Variants in CHD1L observed in about 807,000 individuals in gnomAD.
CHD1L encodes the protein ATP-dependent chromatin remodeler CHD1L.
CHD1L carries 118 observed loss-of-function variants against 115.9 expected under a neutral mutation model. The observed-to-expected ratio is 1.02, with a 90% confidence interval of 0.88 to 1.19. The LOEUF is 1.19. Among genes scored for constraint, CHD1L ranks in the 50% most tolerant of loss-of-function variants. The pLI, the probability that CHD1L is intolerant of heterozygous loss-of-function variation, is 0.00. For synonymous variants in CHD1L, 411 were observed against 387.1 expected, an observed-to-expected ratio of 1.06 and a Z score of -0.72; for missense variants, 1,179 against 1,065.3, an observed-to-expected ratio of 1.11 and a Z score of -1.49.
chr1:147,256,078 C>T (rs1670015617), intron 4 of CHD1L, 151 bp downstream of exon 4: 2 of 511,938 alleles, frequency 3.9e-6, no homozygotes, highest in Non-Finnish European at 3.4e-6. Flanking sequence ...AGGGCTGTAA[C>T]CAAAAGAAGT....
chr1:147,183,022 AC>A, the CHD1L span, among the ~76,000 whole-genome samples: 5 of 151,942 alleles, frequency 3.3e-5, no homozygotes, highest in South Asian at 1.0e-3. Context: ...ACACGATAAA[AC>A]CCCGTCTCTA....
At chr1:147,178,387 T>G in the CHD1L span, 2 of 1,611,204 alleles carry the variant, frequency 1.2e-6, no homozygotes, top group Non-Finnish European at 1.7e-6. Context: ...CACTAACACC[T>G]GTAATAAATA....
At chr1:147,173,705 A>T in the CHD1L span, 12 of 152,326 alleles carry the variant, frequency 7.9e-5, no homozygotes, top group African/African-American at 2.9e-4. Context: ...TGTTACACAG[A>T]CCAGCAGTGT....
chr1:147,272,138 TTAAG>T (rs782385159), intron 11 of CHD1L, 29 bp from the exon 12 acceptor site: 53 of 1,571,242 alleles, frequency 3.4e-5, no homozygotes, highest in Middle Eastern at 3.4e-4. Flanking sequence ...TTGAAAAGGG[TTAAG>T]ATTTCTGTTT....
rs1678347086 is a variant in CHD1L, at chr1:147,276,125, G to A, written c.1407G>A (p.Leu469=). 2 of 1,614,110 alleles carry A rather than the reference G, an allele frequency of 1.2e-6. No individual in the cohort carries two copies. The highest frequency in any genetic ancestry group is 8.5e-7 in the Non-Finnish European group (1 of 1,179,980). ...GQNKSVKVIR[L]IGRDTVEEIV... is the part of the protein sequence containing the mutation. ...CCAGGTCTGTTAAAGTTATTCGGCT[G>A]ATTGGTCGAGACACTGTGGAAGAAA... The change falls in exon 14 of 23, where the codon CTG becomes CTA. Residue 469 remains leucine, a synonymous_variant. Coordinates refer to ENST00000369258, the MANE Select transcript of CHD1L (RefSeq NM_004284.6).
chr1:147,239,832 C>G (rs60063927), upstream of CHD1L, among the ~76,000 whole-genome samples: 2 of 152,214 alleles, frequency 1.3e-5, no homozygotes, highest in African/African-American at 4.8e-5. Flanking sequence ...ATTTAAGTGG[C>G]AAGTGCTTGA....
chr1:147,243,001 C>G, intron 1 of CHD1L, 171 bp downstream of exon 1: 1 of 795,376 alleles, frequency 1.3e-6, no homozygotes, highest in Non-Finnish European at 1.7e-6. Flanking sequence ...GGCTTGGTGG[C>G]CACGGCCCCC....
At chr1:147,193,587 A>C in the CHD1L span, among the ~76,000 whole-genome samples, 1 of 151,902 alleles carries the variant, frequency 6.6e-6, no homozygotes, top group South Asian at 2.1e-4. Flanking sequence ...TAGTTCTTTT[A>C]ATTGTGATGT....
At position 147,268,815 on chromosome 1, in the gene CHD1L, ACC is replaced by A. The variant is rs1553950525; in HGVS notation, c.1023_1024del (p.Leu342AspfsTer2). ...CCGGAGCCTTTTGAAGTTGGAGACC[ACC>A]TGACTGAGGCTAGTGGGAAGCTTCA... On this transcript the variant is annotated frameshift_variant, in exon 10 of 23. Transcript: ENST00000369258. LOFTEE classifies it high-confidence loss of function. 11 of 1,613,618 alleles carry A rather than the reference ACC, an allele frequency of 6.8e-6. No homozygotes were observed. The highest frequency in any genetic ancestry group is 8.5e-6 in the Non-Finnish European group (10 of 1,179,700).
the CHD1L span, chr1:147,179,511 T>C: frequency 2.2e-5 from 35 of 1,578,488 alleles, 1 homozygote; most frequent in Admixed American, 2.8e-4. Flanking sequence ...TCCAAAGAAA[T>C]ATGAAGGTGG....
chr1:147,210,227 T>C, the CHD1L span: 12 of 152,168 alleles, frequency 7.9e-5, no homozygotes, highest in Non-Finnish European at 1.8e-4. Flanking sequence ...GCTTAAGAAA[T>C]GTTTGATTGA....
At chr1:147,288,910 TAAC>T (rs1391341212) in intron 19 of CHD1L, among the ~76,000 whole-genome samples, 73 of 152,190 alleles carry the variant, frequency 4.8e-4, no homozygotes, top group African/African-American at 1.7e-3. Flanking sequence ...CATCCAGAAA[TAAC>T]AAAGTGGCAA....
chr1:147,289,626 C>T (rs146428501), intron 19 of CHD1L, among the ~76,000 whole-genome samples: 5 of 152,220 alleles, frequency 3.3e-5, no homozygotes, highest in Admixed American at 3.3e-4. Context: ...ATTCCAATTC[C>T]CAGGGAAGGC....
intron 10 of CHD1L, 97 bp downstream of exon 10, chr1:147,268,975 C>CT (rs782102437): frequency 0.99 from 704,526 of 712,674 alleles, 348,192 homozygotes; most frequent in African/African-American, 1. Flanking sequence ...TTCCAGTTTT[C>CT]TTTTTTTTCT....
In CHD1L at chr1:147,284,518, T is replaced by G; in HGVS notation, c.1854+19T>G. 6.5e-7 allele frequency: 1 copy of G among 1,546,774 alleles called. No individual in the cohort carries two copies. Among genetic ancestry groups the G allele is most frequent in the Non-Finnish European group, 8.7e-7 (1 of 1,154,124 alleles). On this transcript the variant is annotated intron_variant, in intron 16 of 22. Transcript: ENST00000369258. ...AGGCAGTGTAAGAACTGTTAATTTA[T>G]TTAAAAGTTGTTCTTCCAAACTCTC...
At chr1:147,282,289 G>T (rs1681203571) in intron 15 of CHD1L, among the ~76,000 whole-genome samples, 1 of 152,176 alleles carries the variant, frequency 6.6e-6, no homozygotes, top group Non-Finnish European at 1.5e-5. Context: ...ATTTTCCCTG[G>T]GAGAGGTGAG....
At chr1:147,271,791 A>T (rs2102672483) in intron 11 of CHD1L, among the ~76,000 whole-genome samples, 1 of 152,308 alleles carries the variant, frequency 6.6e-6, no homozygotes. Flanking sequence ...GACTGTTAGA[A>T]GGGGCTCACT....
intron 6 of CHD1L, among the ~76,000 whole-genome samples, chr1:147,263,734 C>T (rs1672830307): frequency 6.6e-6 from 1 of 151,954 alleles, no homozygotes; most frequent in Admixed American, 6.6e-5. Context: ...GTGTTCTTCT[C>T]TGTTGTTCGA....
At chr1:147,284,133 A>G (rs1682073624) in intron 15 of CHD1L, among the ~76,000 whole-genome samples, 1 of 152,190 alleles carries the variant, frequency 6.6e-6, no homozygotes, top group South Asian at 2.1e-4. Flanking sequence ...GTTTTAAGCC[A>G]TGCTCTCCCC....
Sources: allele counts gnomAD v4.1 joint callset (sites outside exome capture counted in the v4.1 genomes callset), GRCh38; gene constraint gnomAD v4.1.1; transcripts MANE v1.5; gene names NCBI Gene and HGNC (gene_info 2026-07-23, HGNC 2026-07-21).